Variants in RBFOX1 observed in about 807,000 individuals in gnomAD.
The protein encoded by RBFOX1 is RNA binding protein fox-1 homolog 1.
In RBFOX1, 8 loss-of-function variants were observed where a neutral mutation model predicts 57.7. That is an observed-to-expected ratio of 0.14 (90% CI 0.08 to 0.25). The LOEUF is 0.25. Ranked by LOEUF, RBFOX1 falls within the 10% of genes least tolerant of loss-of-function variation. RBFOX1 has a pLI of 1.00. For synonymous variants in RBFOX1, 326 were observed against 222.4 expected (o/e 1.47, Z -4.15); for missense variants, 611 against 548.5 (o/e 1.11, Z -1.14).
chr16:5,456,128 C>G (rs554236538), intron 1 of RBFOX1, among the ~76,000 whole-genome samples: 8 of 151,948 alleles, frequency 5.3e-5, no homozygotes, highest in African/African-American at 1.9e-4. Context: ...AAAAAACGTG[C>G]TTAACATGAG....
At chr16:5,986,052 T>C (rs1364709923) in intron 4 of RBFOX1, among the ~76,000 whole-genome samples, 2 of 133,934 alleles carry the variant, frequency 1.5e-5, no homozygotes, top group Non-Finnish European at 3.1e-5. Flanking sequence ...ATTGATTTTT[T>C]TCTTTACTTT....
At chr16:6,841,645 G>C (rs1054544648) in intron 3 of RBFOX1, among the ~76,000 whole-genome samples, 3 of 152,078 alleles carry the variant, frequency 2.0e-5, no homozygotes, top group Non-Finnish European at 4.4e-5. Context: ...GTTCCTGCCG[G>C]CTCTTGAGTA....
intron 2 of RBFOX1, among the ~76,000 whole-genome samples, chr16:6,622,814 A>G (rs967730334): frequency 6.6e-6 from 1 of 152,230 alleles, no homozygotes; most frequent in Non-Finnish European, 1.5e-5. Context: ...CTGAGAACTC[A>G]TAACACATTG....
chr16:6,981,054 A>AAAAG (rs1457803285), intron 3 of RBFOX1, among the ~76,000 whole-genome samples: 4 of 151,088 alleles, frequency 2.6e-5, no homozygotes, highest in Non-Finnish European at 5.9e-5. Context: ...AAAAAAAAAA[A>AAAAG]AAAAACACTA....
chr16:6,922,989 C>G (rs1053547011), intron 3 of RBFOX1, among the ~76,000 whole-genome samples: 5 of 152,120 alleles, frequency 3.3e-5, no homozygotes, highest in African/African-American at 9.7e-5. Context: ...CTTTAATACA[C>G]AAACTACTTA....
At chr16:5,704,235 A>C (rs17138415) in intron 3 of RBFOX1, among the ~76,000 whole-genome samples, 4 of 152,112 alleles carry the variant, frequency 2.6e-5, no homozygotes, top group Non-Finnish European at 5.9e-5. Flanking sequence ...TGGATAAAAC[A>C]GTAATAATTT....
intron 4 of RBFOX1, among the ~76,000 whole-genome samples, chr16:5,889,973 T>C (rs2058007156): frequency 6.6e-6 from 1 of 152,194 alleles, no homozygotes; most frequent in South Asian, 2.1e-4. Context: ...GCGTGTGAGA[T>C]GTAGCTCCAG....
chr16:5,670,819 T>C (rs142608992), intron 3 of RBFOX1, among the ~76,000 whole-genome samples: 1 of 152,372 alleles, frequency 6.6e-6, no homozygotes, highest in East Asian at 1.9e-4. Flanking sequence ...TAATAAGTAC[T>C]GACTGTCTCC....
At chr16:6,877,042 C>G (rs938526939) in intron 3 of RBFOX1, among the ~76,000 whole-genome samples, 2 of 152,128 alleles carry the variant, frequency 1.3e-5, no homozygotes, top group African/African-American at 4.8e-5. Context: ...ATTAAATATT[C>G]ATATGTATAT....
chr16:5,613,311 G>A (rs2047891937), intron 3 of RBFOX1, among the ~76,000 whole-genome samples: 1 of 152,184 alleles, frequency 6.6e-6, no homozygotes, highest in Non-Finnish European at 1.5e-5. Flanking sequence ...ACAGTTGAGG[G>A]TGGGTTCCCC....
chr16:5,653,100 G>T (rs2049295602), intron 3 of RBFOX1, among the ~76,000 whole-genome samples: 1 of 151,826 alleles, frequency 6.6e-6, no homozygotes, highest in African/African-American at 2.4e-5. Flanking sequence ...GTTGTGTGCT[G>T]GGCCTTTGTG....
intron 2 of RBFOX1, among the ~76,000 whole-genome samples, chr16:5,517,868 A>G (rs1002059766): frequency 4.6e-5 from 7 of 152,056 alleles, no homozygotes; most frequent in Non-Finnish European, 8.8e-5. Flanking sequence ...ACACACGTAC[A>G]TATACTGGCT....
intron 4 of RBFOX1, among the ~76,000 whole-genome samples, chr16:7,138,233 G>A (rs1467445381): frequency 6.6e-6 from 1 of 152,094 alleles, no homozygotes; most frequent in Non-Finnish European, 1.5e-5. Flanking sequence ...GAAGTCATGA[G>A]AGATGGTAAG....
rs537842199 is a variant in RBFOX1, at chr16:6,489,244, C to G, written c.-63-165359C>G. ...TGGAAGAGCAATTCTAACAACCTTC[C>G]CATATGGTCCTTCTTTTCCCTCAGT... On this transcript the variant is annotated intron_variant, in intron 2 of 15. Coordinates refer to ENST00000550418, the MANE Select transcript of RBFOX1 (RefSeq NM_018723.4). 3.9e-5 allele frequency among the ~76,000 whole-genome samples: 6 copies of G among 152,240 alleles called. No individual in the cohort carries two copies. In the East Asian group the frequency reaches 9.7e-4, roughly 24 times the overall value.
chr16:7,087,812 T>G (rs1261219887), intron 4 of RBFOX1, among the ~76,000 whole-genome samples: 1 of 152,178 alleles, frequency 6.6e-6, no homozygotes, highest in African/African-American at 2.4e-5. Context: ...GACTTCTGTT[T>G]GCTGACAGAG....
chr16:5,782,381 C>T (rs1315513217), intron 3 of RBFOX1, among the ~76,000 whole-genome samples: 1 of 152,186 alleles, frequency 6.6e-6, no homozygotes, highest in African/African-American at 2.4e-5. Context: ...AAAAGGAGTA[C>T]ACTCTCTCAG....
At chr16:6,903,720 G>A (rs2069052990) in intron 3 of RBFOX1, among the ~76,000 whole-genome samples, 1 of 152,108 alleles carries the variant, frequency 6.6e-6, no homozygotes, top group African/African-American at 2.4e-5. Flanking sequence ...CAAGCACTGG[G>A]AGGGACTAAT....
intron 4 of RBFOX1, among the ~76,000 whole-genome samples, chr16:7,108,762 C>T (rs1011063957): frequency 6.6e-6 from 1 of 152,124 alleles, no homozygotes; most frequent in African/African-American, 2.4e-5. Context: ...TACACTCACC[C>T]CTGTGCTCAA....
At chr16:6,075,030 C>G (rs140904741) in intron 1 of RBFOX1, among the ~76,000 whole-genome samples, 5 of 152,130 alleles carry the variant, frequency 3.3e-5, no homozygotes, top group African/African-American at 4.8e-5. Context: ...ATCTGGAACA[C>G]GAACCTCCAG....
Sources: allele counts gnomAD v4.1 joint callset (sites outside exome capture counted in the v4.1 genomes callset), GRCh38; gene constraint gnomAD v4.1.1; transcripts MANE v1.5; gene names NCBI Gene and HGNC (gene_info 2026-07-23, HGNC 2026-07-21).